Variants in ZNF385D observed in about 807,000 individuals in gnomAD.
ZNF385D encodes zinc finger protein 385D, also known as zinc finger protein 659.
Under a neutral mutation model 35.8 loss-of-function variants are expected in ZNF385D, and 15 were observed. That is an observed-to-expected ratio of 0.42 (90% CI 0.28 to 0.64). The LOEUF is 0.64. Among genes scored for constraint, ZNF385D ranks in the 30% least tolerant of loss-of-function variants. ZNF385D has a pLI of 0.23. For synonymous variants in ZNF385D, 212 were observed against 186.8 expected, an observed-to-expected ratio of 1.13 and a Z score of -1.10; for missense variants, 474 against 494.6, an observed-to-expected ratio of 0.96 and a Z score of 0.39.
intron 1 of ZNF385D, among the ~76,000 whole-genome samples, chr3:21,703,116 C>T (rs2067753975): frequency 6.6e-6 from 1 of 152,148 alleles, no homozygotes; most frequent in Non-Finnish European, 1.5e-5. Context: ...CTGATAAAGA[C>T]ATACCAGAGA....
At chr3:21,652,043 A>G (rs1360188662) in intron 2 of ZNF385D, among the ~76,000 whole-genome samples, 1 of 152,232 alleles carries the variant, frequency 6.6e-6, no homozygotes, top group East Asian at 1.9e-4. Flanking sequence ...ATAAGCAGCA[A>G]TTAATAAAAA....
intron 2 of ZNF385D, among the ~76,000 whole-genome samples, chr3:21,625,176 C>T (rs2065101940): frequency 2.6e-5 from 4 of 152,020 alleles, no homozygotes; most frequent in Admixed American, 2.6e-4. Flanking sequence ...ACCTAATTAA[C>T]TTTATAAATA....
chr3:22,294,126 A>T lies in ZNF385D; in HGVS notation c.106+78324T>A, dbSNP rs76637864. 4.1e-3 allele frequency among the ~76,000 whole-genome samples: 625 copies of T among 152,104 alleles called. 9 individuals are homozygous for T. Among genetic ancestry groups the T allele is most frequent in the East Asian group, 0.039 (200 of 5,150 alleles). On this transcript the variant is annotated intron_variant, in intron 2 of 5. Transcript: ENST00000494108. ...ATACTCTAAGACCATTATAAATATA[A>T]CCTTAATATTGCATTATGTACCTTT... is the stretch of plus-strand genomic sequence containing the variant.
intron 2 of ZNF385D, among the ~76,000 whole-genome samples, chr3:22,178,174 T>G (rs1694964591): frequency 6.6e-6 from 1 of 152,218 alleles, no homozygotes; most frequent in African/African-American, 2.4e-5. Flanking sequence ...ACTTCCACAA[T>G]GGTTGAACTA....
chr3:21,912,145 A>G (rs1229734901), intron 3 of ZNF385D, among the ~76,000 whole-genome samples: 2 of 151,942 alleles, frequency 1.3e-5, no homozygotes, highest in African/African-American at 2.4e-5. Flanking sequence ...ATACAAAGCT[A>G]TCGTGTTGTG....
rs1214143626 is a variant in ZNF385D, at chr3:21,732,030, G to GTTTTTTTTTTTTTT, written c.22+18851_22+18864dup. The stretch of plus-strand genomic sequence containing the variant: ...TTCAGGGTTTTTTTCTTTTTTCGGG[G>GTTTTTTTTTTTTTT]TTTTTTTTTTTTTTTTTTTTTTTTT... On this transcript the variant is annotated intron_variant, in intron 1 of 7. Coordinates refer to ENST00000281523, the MANE Select transcript of ZNF385D (RefSeq NM_024697.3). Among the ~76,000 whole-genome samples the GTTTTTTTTTTTTTT allele has an allele frequency of 8.0e-5, 3 of 37,370 alleles. 1 individual carries two copies. Among genetic ancestry groups the GTTTTTTTTTTTTTT allele is most frequent in the Admixed American group, 9.4e-4 (2 of 2,120 alleles). The allele number at this position is 37,370 out of a possible 152,430, so 24.5% of individuals were successfully genotyped here.
At position 22,025,544 on chromosome 3, in the gene ZNF385D, C is replaced by T. The variant is rs147717848; in HGVS notation, c.325+143273G>A. On this transcript the variant is annotated intron_variant, in intron 3 of 5. Transcript: ENST00000494108. ...TAGAGTTGGATCAGGGTGAATTTAT[C>T]GATTTGGGCCCTGTAAGTAGGAACT... is the stretch of plus-strand genomic sequence containing the variant. Among the ~76,000 whole-genome samples the T allele has an allele frequency of 1.5e-3, 227 of 152,196 alleles. 1 individual carries two copies. The highest frequency in any genetic ancestry group is 0.014 in the Middle Eastern group (4 of 294).
chr3:22,332,477 T>C lies in ZNF385D; in HGVS notation c.106+39973A>G, dbSNP rs932889731. On this transcript the variant is annotated intron_variant, in intron 2 of 5. Coordinates refer to the ZNF385D transcript ENST00000494108. Reference sequence around the variant, plus strand: ...TGTGAAAGGAAGAAGGCATGGTGGTTATGAATTATGAGTAGAAAGTAATCA... The same window carrying C: ...TGTGAAAGGAAGAAGGCATGGTGGTCATGAATTATGAGTAGAAAGTAATCA... Among the ~76,000 whole-genome samples the C allele has an allele frequency of 6.6e-5, 10 of 152,298 alleles. No individual in the cohort carries two copies. In the South Asian group the frequency reaches 1.2e-3, roughly 19 times the overall value.
intron 2 of ZNF385D, among the ~76,000 whole-genome samples, chr3:22,267,419 A>G (rs998674404): frequency 6.6e-6 from 1 of 151,914 alleles, no homozygotes; most frequent in African/African-American, 2.4e-5. Flanking sequence ...TTTCTCTGAA[A>G]AAAAAATATA....
chr3:21,918,906 G>C (rs1385026203), intron 3 of ZNF385D, among the ~76,000 whole-genome samples: 1 of 152,068 alleles, frequency 6.6e-6, no homozygotes, highest in Non-Finnish European at 1.5e-5. Flanking sequence ...TTAGCTTCAA[G>C]GTTATATTTC....
chr3:22,223,591 T>C (rs1411114708), intron 2 of ZNF385D, among the ~76,000 whole-genome samples: 1 of 152,152 alleles, frequency 6.6e-6, no homozygotes, highest in African/African-American at 2.4e-5. Context: ...CAGAACATAA[T>C]GTATTTAACA....
At chr3:22,233,067 T>A (rs1237023900) in intron 2 of ZNF385D, among the ~76,000 whole-genome samples, 1 of 152,166 alleles carries the variant, frequency 6.6e-6, no homozygotes, top group African/African-American at 2.4e-5. Flanking sequence ...CCTGGGAAAT[T>A]TTTACTATAA....
chr3:21,601,012 A>T (rs1018145835), intron 2 of ZNF385D, among the ~76,000 whole-genome samples: 5 of 152,170 alleles, frequency 3.3e-5, no homozygotes, highest in Admixed American at 6.5e-5. Flanking sequence ...TTGTGGTAGA[A>T]GCCTATGGAA....
intron 3 of ZNF385D, among the ~76,000 whole-genome samples, chr3:22,097,598 G>A (rs1045557102): frequency 6.6e-6 from 1 of 152,020 alleles, no homozygotes; most frequent in Non-Finnish European, 1.5e-5. Flanking sequence ...CACTGTCTAT[G>A]ATAAAATGAG....
chr3:21,849,704 T>G (rs1050421487), intron 3 of ZNF385D: 8 of 146,550 alleles, frequency 5.5e-5, no homozygotes, highest in African/African-American at 2.0e-4. Flanking sequence ...GTCCTCAAAA[T>G]TTTTTCTTCT....
intron 3 of ZNF385D, among the ~76,000 whole-genome samples, chr3:21,856,599 G>A (rs931153170): frequency 1.3e-5 from 2 of 151,788 alleles, no homozygotes; most frequent in Non-Finnish European, 2.9e-5. Flanking sequence ...AAACTAGTAG[G>A]AATTCTGTTG....
At chr3:21,984,974 T>C (rs1694724733) in intron 3 of ZNF385D, among the ~76,000 whole-genome samples, 1 of 151,684 alleles carries the variant, frequency 6.6e-6, no homozygotes, top group African/African-American at 2.4e-5. Context: ...GTTTGTCTGT[T>C]TTTTGTGTAT....
chr3:22,002,750 T>C (rs1695932896), intron 3 of ZNF385D, among the ~76,000 whole-genome samples: 1 of 152,162 alleles, frequency 6.6e-6, no homozygotes, highest in Non-Finnish European at 1.5e-5. Context: ...CAGGATCAAG[T>C]GGTATTTATC....
At chr3:21,815,262 A>G (rs943282983) in intron 3 of ZNF385D, among the ~76,000 whole-genome samples, 7 of 152,226 alleles carry the variant, frequency 4.6e-5, no homozygotes, top group Non-Finnish European at 8.8e-5. Flanking sequence ...CCCTAACATC[A>G]CAATTAAAAG....
Sources: gnomAD v4.1 joint callset for allele counts (sites outside exome capture counted in the v4.1 genomes callset) on GRCh38, gnomAD v4.1.1 for gene constraint, MANE v1.5 for transcripts, NCBI Gene and HGNC (gene_info 2026-07-23, HGNC 2026-07-21) for gene names.